Variants in UNC13C observed in about 807,000 individuals in gnomAD.
The protein encoded by UNC13C is protein unc-13 homolog C.
A neutral mutation model predicts 245.4 loss-of-function variants in UNC13C; 174 were observed. The ratio of observed to expected loss-of-function variants is 0.71; its 90% CI spans 0.63 to 0.80. The LOEUF is 0.80. UNC13C is among the 30% of genes least tolerant of loss of function. The probability of loss-of-function intolerance (pLI) is 0.00; values close to 1 mark genes in which losing one functional copy is unlikely to be tolerated. For missense variants in UNC13C, 2,829 were observed against 2,602.9 expected, an observed-to-expected ratio of 1.09 and a Z score of -1.89; for synonymous variants, 992 against 895.1, an observed-to-expected ratio of 1.11 and a Z score of -1.93.
Position 54,338,390 on chromosome 15 carries a change from G to A in UNC13C, c.4614G>A (p.Ala1538=), listed in dbSNP as rs775706458. ...TGGAGCTGCAAAGCCCCCCAAAAGC[G>A]AGCATGGTGGTGAAGGACTGTGTAA... ...KVLELQSPPK[A]SMVVKDCVRA... Residue 1538 remains alanine, a synonymous_variant, in exon 17 of 33, where the codon GCG becomes GCA. Coordinates refer to ENST00000260323, the MANE Select transcript of UNC13C (RefSeq NM_001080534.3). 27 of 1,612,698 alleles carry A rather than the reference G, an allele frequency of 1.7e-5. No individual in the cohort carries two copies. The South Asian group carries it at 2.3e-4, about 14-fold the overall frequency.
At chr15:54,237,547 C>G in intron 6 of UNC13C, 72 bp from the exon 7 acceptor site, 1 of 1,162,650 alleles carries the variant, frequency 8.6e-7, no homozygotes, top group Non-Finnish European at 1.3e-6. Flanking sequence ...CTTGCATTTT[C>G]ACCTTCTGCT....
intron 16 of UNC13C, among the ~76,000 whole-genome samples, chr15:54,337,884 C>T (rs548415101): frequency 6.6e-6 from 1 of 152,212 alleles, no homozygotes; most frequent in Non-Finnish European, 1.5e-5. Flanking sequence ...TTACTCTTGC[C>T]GTTTATTGTA....
chr15:54,552,753 CAA>C (rs1365860810), intron 28 of UNC13C, among the ~76,000 whole-genome samples: 8 of 63,978 alleles, frequency 1.3e-4, no homozygotes, highest in Non-Finnish European at 2.1e-4. Context: ...TTATATAGTA[CAA>C]TATATAATAT....
chr15:54,398,117 A>G (rs2040108496), intron 18 of UNC13C, among the ~76,000 whole-genome samples: 1 of 151,314 alleles, frequency 6.6e-6, no homozygotes, highest in Admixed American at 6.6e-5. Flanking sequence ...TATCAAGTTG[A>G]GGAAGTTCTG....
chr15:54,547,598 A>C (rs1347034586), intron 27 of UNC13C, among the ~76,000 whole-genome samples: 1 of 152,212 alleles, frequency 6.6e-6, no homozygotes, highest in Non-Finnish European at 1.5e-5. Context: ...CACTCAGTCC[A>C]TGTTTATTCA....
intron 19 of UNC13C, among the ~76,000 whole-genome samples, chr15:54,447,350 C>T (rs1053823510): frequency 3.9e-5 from 6 of 152,146 alleles, no homozygotes; most frequent in Non-Finnish European, 8.8e-5. Flanking sequence ...AGGAATGGTA[C>T]CACCTCCTCC....
At position 54,511,842 on chromosome 15, in the gene UNC13C, TTTCTCC is replaced by T; in HGVS notation, c.5457+14_5457+19del. Reference sequence around the variant, plus strand: ...TGGGAGGGAAGGAGGTGGGTATCTTTTTCTCCTACATTTGCTAAAAACCTACTTAGA... The same window carrying T: ...TGGGAGGGAAGGAGGTGGGTATCTTTTACATTTGCTAAAAACCTACTTAGA... On this transcript the variant is annotated intron_variant, in intron 24 of 32. Coordinates refer to ENST00000260323, the MANE Select transcript of UNC13C (RefSeq NM_001080534.3). 1 of 1,587,650 alleles carries T rather than the reference TTTCTCC, an allele frequency of 6.3e-7. No individual in the cohort carries two copies. Among genetic ancestry groups the T allele is most frequent in the Non-Finnish European group, 8.6e-7 (1 of 1,162,034 alleles).
At chr15:53,938,783 A>T in the UNC13C span, among the ~76,000 whole-genome samples, 1 of 152,210 alleles carries the variant, frequency 6.6e-6, no homozygotes, top group African/African-American at 2.4e-5. Flanking sequence ...TTAAGGCAGA[A>T]ATCAAGAAGT....
intron 20 of UNC13C, 46 bp downstream of exon 20, chr15:54,494,780 T>C (rs1596474859): frequency 6.3e-7 from 1 of 1,593,184 alleles, no homozygotes; most frequent in Non-Finnish European, 8.5e-7. Context: ...TAAATTCACA[T>C]TCCTGTAAAA....
intron 17 of UNC13C, among the ~76,000 whole-genome samples, chr15:54,359,078 T>C (rs1423684988): frequency 6.6e-6 from 1 of 151,964 alleles, no homozygotes; most frequent in Non-Finnish European, 1.5e-5. Context: ...AATATTCATA[T>C]TTGATTTTTT....
intron 10 of UNC13C, among the ~76,000 whole-genome samples, chr15:54,275,785 G>A (rs2036815867): frequency 6.6e-6 from 1 of 152,046 alleles, no homozygotes. Context: ...GAAAATATGT[G>A]TCCATACAAA....
chr15:54,608,023 A>G (rs1398053231), intron 30 of UNC13C, among the ~76,000 whole-genome samples: 1 of 152,246 alleles, frequency 6.6e-6, no homozygotes, highest in African/African-American at 2.4e-5. Flanking sequence ...GAAAAAACAA[A>G]AAGCCAGTTT....
intron 19 of UNC13C, among the ~76,000 whole-genome samples, chr15:54,434,248 GAAC>G (rs2040933356): frequency 6.6e-6 from 1 of 151,522 alleles, no homozygotes; most frequent in Non-Finnish European, 1.5e-5. Context: ...ATTTCATATG[GAAC>G]AACAACAAAA....
At chr15:54,134,022 TA>T (rs1291722248) in intron 2 of UNC13C, among the ~76,000 whole-genome samples, 2 of 150,554 alleles carry the variant, frequency 1.3e-5, no homozygotes, top group Non-Finnish European at 3.0e-5. Flanking sequence ...TAAAAGCAAC[TA>T]ATACATCCAT....
intron 4 of UNC13C, among the ~76,000 whole-genome samples, chr15:54,186,845 G>GTATATATATATATATATATATATACATA (rs1555428684): frequency 8.8e-6 from 1 of 113,384 alleles, no homozygotes; most frequent in African/African-American, 4.7e-5. Flanking sequence ...TAATATATAT[G>GTATATATATATATATATATATATACATA]TATATATATA....
At chr15:54,034,772 C>T (rs779721775) in intron 2 of UNC13C, among the ~76,000 whole-genome samples, 1 of 152,190 alleles carries the variant, frequency 6.6e-6, no homozygotes, top group African/African-American at 2.4e-5. Flanking sequence ...ATGATCTTTA[C>T]TCCTTAGAAG....
At chr15:54,268,629 A>G (rs2036607523) in intron 10 of UNC13C, among the ~76,000 whole-genome samples, 1 of 152,084 alleles carries the variant, frequency 6.6e-6, no homozygotes, top group Non-Finnish European at 1.5e-5. Flanking sequence ...TGCTTTTCAA[A>G]TGTGTTAAAT....
intron 4 of UNC13C, 43 bp downstream of exon 4, chr15:54,143,727 G>A: frequency 6.6e-7 from 1 of 1,505,896 alleles, no homozygotes; most frequent in Non-Finnish European, 9.2e-7. Flanking sequence ...ATTCATAGAT[G>A]GCACTTGGCT....
At chr15:54,160,813 GT>G (rs1188206389) in intron 4 of UNC13C, among the ~76,000 whole-genome samples, 4 of 152,066 alleles carry the variant, frequency 2.6e-5, no homozygotes, top group African/African-American at 9.7e-5. Context: ...ATTAGTAATT[GT>G]TTCTGGTTTG....
Sources: gnomAD v4.1 joint callset for allele counts (sites outside exome capture counted in the v4.1 genomes callset) on GRCh38, gnomAD v4.1.1 for gene constraint, MANE v1.5 for transcripts, NCBI Gene and HGNC (gene_info 2026-07-23, HGNC 2026-07-21) for gene names.